The following AFF3 variants were observed in gnomAD, a reference collection of about 807,000 sequenced individuals.
The protein encoded by AFF3 is AF4/FMR2 family member 3.
A neutral mutation model predicts 129.7 loss-of-function variants in AFF3; 32 were observed. The observed-to-expected ratio is 0.25, with a 90% CI of 0.19 to 0.33. AFF3 has a LOEUF of 0.33. Ranked by LOEUF, AFF3 falls within the 10% of genes least tolerant of loss-of-function variation. The probability of loss-of-function intolerance (pLI) is 1.00; values close to 1 mark genes in which losing one functional copy is unlikely to be tolerated. For synonymous variants in AFF3, 644 were observed against 635.4 expected (o/e 1.01, Z -0.20); for missense variants, 1,373 against 1,592.0 (o/e 0.86, Z 2.34).
chr2:99,675,181 G>A (rs534465706), intron 11 of AFF3, among the ~76,000 whole-genome samples: 5 of 152,040 alleles, frequency 3.3e-5, no homozygotes, highest in African/African-American at 7.3e-5. Context: ...TTGTGTTTCC[G>A]GCTGGGTTCT....
At chr2:100,056,061 T>TCACA (rs760665941) in intron 4 of AFF3, among the ~76,000 whole-genome samples, 7,948 of 133,208 alleles carry the variant, frequency 0.06, 313 homozygotes, top group African/African-American at 0.11. Context: ...GCTGTCTCTC[T>TCACA]CTCACACACA....
chr2:99,588,273 C>T (rs1678325914), intron 15 of AFF3, among the ~76,000 whole-genome samples: 1 of 152,206 alleles, frequency 6.6e-6, no homozygotes, highest in East Asian at 1.9e-4. Context: ...ACCTCCCAGG[C>T]TCAGGTGATC....
At position 99,611,118 on chromosome 2, in the gene AFF3, G is replaced by T. The variant is rs368101598; in HGVS notation, c.1185-9497C>A. Among the ~76,000 whole-genome samples, 91 of 152,106 alleles carry T rather than the reference G, an allele frequency of 6.0e-4. 1 individual carries two copies. The highest frequency in any genetic ancestry group is 1.8e-3 in the African/African-American group (76 of 41,506). ...ATTGAGTTTTTCAAATTTTGGTTATGGAATTTTTCAGTTATAAAATTTCTA... is the reference window on the plus strand; with the variant it reads ...ATTGAGTTTTTCAAATTTTGGTTATTGAATTTTTCAGTTATAAAATTTCTA... On this transcript the variant is annotated intron_variant, in intron 13 of 24. Transcript: ENST00000672756.
At chr2:100,136,253 C>G (rs1305448334) in intron 1 of AFF3, among the ~76,000 whole-genome samples, 1 of 152,150 alleles carries the variant, frequency 6.6e-6, no homozygotes, top group Non-Finnish European at 1.5e-5. Context: ...ACCAGATCAT[C>G]TGGGAGCGAA....
chr2:99,694,627 G>GC (rs11407692), intron 11 of AFF3, among the ~76,000 whole-genome samples: 139,250 of 152,244 alleles, frequency 0.91, 63,836 homozygotes, highest in East Asian at 1. Context: ...TATGTGAGTC[G>GC]CTATGTAGTT....
chr2:99,906,844 T>TACACAC (rs56113249), intron 7 of AFF3, among the ~76,000 whole-genome samples: 2,438 of 146,422 alleles, frequency 0.017, 34 homozygotes, highest in African/African-American at 0.039. Context: ...CTATCCATAT[T>TACACAC]ACACACACAC....
chr2:99,723,183 C>T (rs181740249), intron 11 of AFF3, among the ~76,000 whole-genome samples: 9 of 152,198 alleles, frequency 5.9e-5, no homozygotes, highest in East Asian at 3.9e-4. Context: ...AAGATTAAAT[C>T]GCTCCTTTCA....
chr2:99,866,432 C>T (rs566383575), intron 7 of AFF3, among the ~76,000 whole-genome samples: 63 of 152,222 alleles, frequency 4.1e-4, no homozygotes, highest in Admixed American at 1.2e-3. Context: ...GGGACGACGC[C>T]TCTGCAGCGA....
At chr2:99,966,882 T>G (rs1033277911) in intron 7 of AFF3, among the ~76,000 whole-genome samples, 4 of 152,016 alleles carry the variant, frequency 2.6e-5, no homozygotes, top group African/African-American at 9.7e-5. Context: ...GGGAAGAAAT[T>G]GGAAACAGAT....
chr2:99,707,484 C>G (rs772088721), intron 11 of AFF3: 2 of 985,166 alleles, frequency 2.0e-6, no homozygotes, highest in African/African-American at 3.5e-5. Context: ...AGGTTATCCA[C>G]GAAGTTTCAA....
chr2:99,872,306 T>C (rs1395611003), intron 7 of AFF3, among the ~76,000 whole-genome samples: 1 of 150,424 alleles, frequency 6.6e-6, no homozygotes, highest in Non-Finnish European at 1.5e-5. Flanking sequence ...TTGATCCATA[T>C]ATGTGCTTTT....
At chr2:99,679,460 T>G (rs1178222067) in intron 11 of AFF3, among the ~76,000 whole-genome samples, 1 of 152,132 alleles carries the variant, frequency 6.6e-6, no homozygotes, top group African/African-American at 2.4e-5. Flanking sequence ...GCATCTCATC[T>G]CCTACCCTAG....
At chr2:100,082,504 A>G (rs1457055813) in intron 4 of AFF3, among the ~76,000 whole-genome samples, 2 of 152,130 alleles carry the variant, frequency 1.3e-5, no homozygotes, top group Non-Finnish European at 2.9e-5. Flanking sequence ...GGGAAAATGG[A>G]TCACTTCTGT....
In AFF3 at chr2:99,593,965, C is replaced by A; in HGVS notation, c.1696G>T (p.Ala566Ser). The stretch of plus-strand genomic sequence containing the variant: ...TTCTCCGCGGGCGCACAGGGCACTG[C>A]GGGTGGCGGGGCGGCTGCGCTCACC... Reference protein sequence around the residue: ...VAVSAAAPPPAVPCAPAENAP... With the variant: ...VAVSAAAPPPSVPCAPAENAP... The change falls in exon 15 of 25, where the codon GCA (alanine) becomes TCA (serine). Residue 566 changes from alanine to serine, a missense_variant. Around this residue, in one of 9 missense-constraint regions of AFF3, gnomAD observed 413 missense variants for 424.4 expected, o/e 0.97. Coordinates refer to ENST00000672756, the MANE Select transcript of AFF3 (RefSeq NM_001386135.1). 1 of 1,486,362 alleles carries A rather than the reference C, an allele frequency of 6.7e-7. No homozygotes were observed. The highest frequency in any genetic ancestry group is 2.3e-5 in the Admixed American group (1 of 43,052). The allele number at this position is 1,486,362 out of a possible 1,614,324, so 92.1% of individuals were successfully genotyped here. A position where few individuals can be genotyped will look rare whatever the true frequency, so the allele number is the denominator to read the frequency against.
intron 8 of AFF3, among the ~76,000 whole-genome samples, chr2:99,783,949 G>A (rs1349112515): frequency 2.6e-5 from 4 of 152,168 alleles, no homozygotes; most frequent in African/African-American, 9.6e-5. Flanking sequence ...ATTATATATT[G>A]CCCGTTGCAA....
intron 10 of AFF3, among the ~76,000 whole-genome samples, chr2:99,732,159 C>G (rs1679882965): frequency 6.6e-6 from 1 of 151,980 alleles, no homozygotes; most frequent in Non-Finnish European, 1.5e-5. Flanking sequence ...TTGAGACCAT[C>G]CTGGCTAACA....
intron 2 of AFF3, among the ~76,000 whole-genome samples, chr2:100,115,653 C>A (rs543245125): frequency 2.6e-5 from 4 of 152,168 alleles, no homozygotes; most frequent in Middle Eastern, 6.8e-3. Flanking sequence ...TTTTTCAGAT[C>A]TTTCTATTCT....
intron 8 of AFF3, among the ~76,000 whole-genome samples, chr2:99,778,610 T>C (rs566885765): frequency 6.6e-6 from 1 of 152,296 alleles, no homozygotes; most frequent in South Asian, 2.1e-4. Context: ...AGTCTTCCTA[T>C]CCATGAGCAC....
intron 8 of AFF3, among the ~76,000 whole-genome samples, chr2:99,797,335 G>A (rs192257509): frequency 6.6e-6 from 1 of 152,176 alleles, no homozygotes; most frequent in African/African-American, 2.4e-5. Context: ...TGGTAGAATA[G>A]AGATTGTAAA....
Sources: gnomAD v4.1 joint callset for allele counts (sites outside exome capture counted in the v4.1 genomes callset) on GRCh38, gnomAD v4.1.1 for gene constraint, gnomAD v4.1.1 regional missense constraint, MANE v1.5 for transcripts, NCBI Gene and HGNC (gene_info 2026-07-23, HGNC 2026-07-21) for gene names.